Variants in SSBP2 observed in about 807,000 individuals in gnomAD.
SSBP2 encodes the protein single-stranded DNA-binding protein 2.
In SSBP2, 17 loss-of-function variants were observed where a neutral mutation model predicts 61.8. That is an observed-to-expected ratio of 0.28 (90% confidence interval 0.19 to 0.41). The LOEUF is 0.41. SSBP2 is among the 10% of genes least tolerant of loss of function. The pLI is 1.00. For synonymous variants in SSBP2, 139 were observed against 141.3 expected, an observed-to-expected ratio of 0.98 and a Z score of 0.12; for missense variants, 310 against 458.7, an observed-to-expected ratio of 0.68 and a Z score of 2.96.
intron 4 of SSBP2, among the ~76,000 whole-genome samples, chr5:81,551,271 C>G (rs1169780937): frequency 1.1e-4 from 16 of 151,992 alleles, no homozygotes; most frequent in Non-Finnish European, 2.4e-4. Flanking sequence ...ATTAGAAAAA[C>G]AAGACCTTAT....
At chr5:81,469,611 C>G (rs958899804) in intron 8 of SSBP2, among the ~76,000 whole-genome samples, 12 of 152,026 alleles carry the variant, frequency 7.9e-5, no homozygotes, top group African/African-American at 2.9e-4. Context: ...CTATGTTACT[C>G]ATCTTTGTAT....
At chr5:81,708,520 T>C (rs1226919703) in intron 1 of SSBP2, among the ~76,000 whole-genome samples, 1 of 152,084 alleles carries the variant, frequency 6.6e-6, no homozygotes, top group Non-Finnish European at 1.5e-5. Flanking sequence ...GAGAAATTCA[T>C]CTCTCAGATT....
intron 1 of SSBP2, among the ~76,000 whole-genome samples, chr5:81,656,848 GT>G (rs1233774827): frequency 1.3e-5 from 2 of 151,994 alleles, no homozygotes; most frequent in African/African-American, 4.8e-5. Context: ...ATGTGAACGT[GT>G]AAATGGTGCA....
intron 10 of SSBP2, among the ~76,000 whole-genome samples, chr5:81,451,710 G>A (rs1210185892): frequency 6.6e-6 from 1 of 152,258 alleles, no homozygotes; most frequent in African/African-American, 2.4e-5. Context: ...TTACAGGCGT[G>A]AGCCACTGTG....
At chr5:81,548,861 G>A (rs1194438409) in intron 4 of SSBP2, among the ~76,000 whole-genome samples, 5 of 152,166 alleles carry the variant, frequency 3.3e-5, no homozygotes, top group Admixed American at 3.3e-4. Context: ...GGCAGAGCTT[G>A]CAGTGAGCCA....
At chr5:81,553,780 G>C (rs1772387057) in intron 4 of SSBP2, among the ~76,000 whole-genome samples, 1 of 152,160 alleles carries the variant, frequency 6.6e-6, no homozygotes, top group Non-Finnish European at 1.5e-5. Flanking sequence ...TTTTATACAA[G>C]TGAACTAAAT....
At chr5:81,585,545 G>A (rs1165445691) in intron 4 of SSBP2, among the ~76,000 whole-genome samples, 1 of 150,330 alleles carries the variant, frequency 6.7e-6, no homozygotes, top group African/African-American at 2.5e-5. Flanking sequence ...GACAAAAATT[G>A]TGTGTGTGTA....
intron 4 of SSBP2, among the ~76,000 whole-genome samples, chr5:81,591,087 C>T (rs1037207557): frequency 6.6e-6 from 1 of 152,158 alleles, no homozygotes; most frequent in East Asian, 1.9e-4. Flanking sequence ...ATAACTAAGA[C>T]ACCCTCTTCA....
chr5:81,453,034 C>T (rs969554741), intron 10 of SSBP2, among the ~76,000 whole-genome samples: 7 of 151,650 alleles, frequency 4.6e-5, no homozygotes, highest in East Asian at 1.9e-4. Flanking sequence ...GCAGCTCACA[C>T]GTGTAATCCC....
intron 9 of SSBP2, among the ~76,000 whole-genome samples, chr5:81,465,450 C>T (rs1438863846): frequency 1.3e-5 from 2 of 151,910 alleles, no homozygotes; most frequent in Non-Finnish European, 2.9e-5. Context: ...TTATTTTAAT[C>T]TCTCAATGGT....
chr5:81,565,477 C>CCAAAA (rs1160532153), intron 4 of SSBP2, among the ~76,000 whole-genome samples: 1 of 152,054 alleles, frequency 6.6e-6, no homozygotes, highest in Non-Finnish European at 1.5e-5. Flanking sequence ...TTATGACGTG[C>CCAAAA]CAAAACATAC....
At chr5:81,697,040 A>T (rs1164362891) in intron 1 of SSBP2, among the ~76,000 whole-genome samples, 2 of 152,238 alleles carry the variant, frequency 1.3e-5, no homozygotes, top group East Asian at 3.8e-4. Context: ...TTCAGAGATC[A>T]GAAAGAAAAG....
intron 11 of SSBP2, 82 bp from the exon 12 acceptor site, chr5:81,447,004 CA>C: frequency 1.0e-6 from 1 of 956,684 alleles, no homozygotes; most frequent in Non-Finnish European, 1.5e-6. Context: ...TATAATAATC[CA>C]ATTTGAAAAT....
At chr5:81,477,751 C>T (rs116554261) in intron 6 of SSBP2, among the ~76,000 whole-genome samples, 77 of 152,138 alleles carry the variant, frequency 5.1e-4, no homozygotes, top group Middle Eastern at 6.8e-3. Context: ...TATCTCCAGA[C>T]TGTAAACTCC....
At chr5:81,734,065 T>G (rs1261913879) in intron 1 of SSBP2, among the ~76,000 whole-genome samples, 1 of 152,202 alleles carries the variant, frequency 6.6e-6, no homozygotes, top group Non-Finnish European at 1.5e-5. Context: ...AGGATGACAT[T>G]TTCTGATCAG....
At chr5:81,631,678 A>G (rs1747739916) in intron 3 of SSBP2, among the ~76,000 whole-genome samples, 1 of 152,114 alleles carries the variant, frequency 6.6e-6, no homozygotes, top group Non-Finnish European at 1.5e-5. Flanking sequence ...ACTTAGAATT[A>G]TTTCAAACTT....
chr5:81,540,269 C>T (rs1387930750), intron 4 of SSBP2, among the ~76,000 whole-genome samples: 1 of 152,066 alleles, frequency 6.6e-6, no homozygotes, highest in African/African-American at 2.4e-5. Flanking sequence ...GTAATGGGAT[C>T]GCTGGGACAA....
At chr5:81,426,627 G>A (rs1052483733) in intron 16 of SSBP2, among the ~76,000 whole-genome samples, 1 of 152,224 alleles carries the variant, frequency 6.6e-6, no homozygotes, top group Admixed American at 6.5e-5. Flanking sequence ...CATGTGCATA[G>A]TCCATTAGGG....
intron 15 of SSBP2, 119 bp downstream of exon 15, chr5:81,437,311 T>A: frequency 1.2e-6 from 1 of 866,676 alleles, no homozygotes; most frequent in Non-Finnish European, 1.9e-6. Flanking sequence ...TTATACCTGG[T>A]CTTCTACTTT....
Sources: allele counts gnomAD v4.1 joint callset (sites outside exome capture counted in the v4.1 genomes callset), GRCh38; gene constraint gnomAD v4.1.1; transcripts MANE v1.5; gene names NCBI Gene and HGNC (gene_info 2026-07-23, HGNC 2026-07-21).